UACA: variants seen among roughly 807,000 people sequenced by gnomAD.
The protein encoded by UACA is uveal autoantigen with coiled-coil domains and ankyrin repeats.
A neutral mutation model predicts 160.5 loss-of-function variants in UACA; 112 were observed. That is an observed-to-expected ratio of 0.70 (90% CI 0.60 to 0.82). UACA has a LOEUF of 0.82. Among genes scored for constraint, UACA ranks in the 40% least tolerant of loss-of-function variants. The pLI is 0.00. For synonymous variants in UACA, 557 were observed against 568.4 expected (o/e 0.98, Z 0.29); for missense variants, 1,574 against 1,614.6 (o/e 0.97, Z 0.43).
intron 1 of UACA, among the ~76,000 whole-genome samples, chr15:70,718,273 GGGGAGAGAGGGAGAGAGGAA>G (rs1898880618): frequency 6.8e-6 from 1 of 147,464 alleles, no homozygotes; most frequent in East Asian, 2.0e-4. Context: ...GGGGGAGGAG[GGGGAGAGAGGGAGAGAGGAA>G]GGGAGAGAGG....
At position 70,754,679 on chromosome 15, in the gene UACA, T is replaced by C. The variant is rs1595926261; in HGVS notation, c.78+8651A>G. ...CTTCTGCATATCATCTTGGAGACTG[T>C]ATCATTTGAAAATAAGTCAATGTCA... On this transcript the variant is annotated intron_variant, in intron 1 of 18. Coordinates refer to ENST00000322954, the MANE Select transcript of UACA (RefSeq NM_018003.4). 2.6e-5 allele frequency among the ~76,000 whole-genome samples: 4 copies of C among 152,190 alleles called. No individual in the cohort carries two copies. In the East Asian group the frequency reaches 7.7e-4, roughly 29 times the overall value.
At chr15:70,670,219 G>C (rs1897089246) in intron 15 of UACA, among the ~76,000 whole-genome samples, 1 of 152,126 alleles carries the variant, frequency 6.6e-6, no homozygotes, top group Non-Finnish European at 1.5e-5. Flanking sequence ...CTTCTTCAGG[G>C]AGCATTTGAC....
At chr15:70,677,680 T>A (rs1418367393) in intron 11 of UACA, among the ~76,000 whole-genome samples, 2 of 152,174 alleles carry the variant, frequency 1.3e-5, no homozygotes, top group Non-Finnish European at 2.9e-5. Context: ...CTACTTTCCC[T>A]CTAAAAAATG....
chr15:70,752,545 T>C (rs1348767941), intron 1 of UACA, among the ~76,000 whole-genome samples: 1 of 150,492 alleles, frequency 6.6e-6, no homozygotes, highest in African/African-American at 2.4e-5. Context: ...CCACCACTTA[T>C]CTCTCTCTCT....
In UACA at chr15:70,667,951, C is replaced by G; in HGVS notation, c.2733G>C (p.Leu911=). 1 of 1,609,982 alleles carries G rather than the reference C, an allele frequency of 6.2e-7. No homozygotes were observed. Among genetic ancestry groups the G allele is most frequent in the Non-Finnish European group, 8.5e-7 (1 of 1,178,574 alleles). The change falls in exon 16 of 19, where the codon CTG becomes CTC. Residue 911 remains leucine, a synonymous_variant. Coordinates refer to ENST00000322954, the MANE Select transcript of UACA (RefSeq NM_018003.4). Reference sequence around the variant, plus strand: ...CTTTTATTTGGTTCTGAGTGTTTTCCAGGTTTCTTTTTAATATTTCATTCT... The same window carrying G: ...CTTTTATTTGGTTCTGAGTGTTTTCGAGGTTTCTTTTTAATATTTCATTCT... ...KDKNEILKRN[L]ENTQNQIKAE... is the part of the protein sequence containing the mutation.
chr15:70,771,965 G>C, the UACA span, among the ~76,000 whole-genome samples: 4 of 152,308 alleles, frequency 2.6e-5, no homozygotes, highest in South Asian at 8.3e-4. Context: ...AGAGGGCCTA[G>C]TGGACCAAAG....
chr15:70,665,205 C>T (rs918360609), intron 16 of UACA, among the ~76,000 whole-genome samples: 5 of 152,016 alleles, frequency 3.3e-5, no homozygotes, highest in Admixed American at 1.3e-4. Flanking sequence ...GGGTGTGGCC[C>T]GTGTAAGTCT....
intron 1 of UACA, among the ~76,000 whole-genome samples, chr15:70,749,559 C>A (rs548922193): frequency 6.6e-6 from 1 of 150,706 alleles, no homozygotes; most frequent in Non-Finnish European, 1.5e-5. Flanking sequence ...ATTAGCCAGG[C>A]GTAGTGGTGG....
chr15:70,703,342 T>G, intron 1 of UACA: 3 of 1,183,292 alleles, frequency 2.5e-6, no homozygotes, highest in Non-Finnish European at 3.2e-6. Flanking sequence ...TTATAGATCA[T>G]GCTGCCAGTT....
chr15:70,659,391 GTTTGTTTTTTTTTTTTTT>G (rs1485238080), intron 18 of UACA, among the ~76,000 whole-genome samples: 2 of 9,958 alleles, frequency 2.0e-4, no homozygotes, highest in African/African-American at 3.2e-4. Flanking sequence ...TTCATTTTTT[GTTTGTTTTTTTTTTTTTT>G]TTTTTTTTTT....
At position 70,684,250 on chromosome 15, in the gene UACA, G is replaced by A. The variant is rs1242666562; in HGVS notation, c.784+15C>T. The A allele has an allele frequency of 6.3e-7, 1 of 1,579,798 alleles. No individual in the cohort carries two copies. Among genetic ancestry groups the A allele is most frequent in the South Asian group, 1.2e-5 (1 of 84,884 alleles). ...GTTAATGTGGACTTTTCTAGTTACA[G>A]AAAACTGCTGATACCTTTGTTGGTA... On this transcript the variant is annotated intron_variant, in intron 8 of 18. Transcript: ENST00000322954.
At chr15:70,763,957 A>C (rs902386701), upstream of UACA, among the ~76,000 whole-genome samples, 6 of 152,340 alleles carry the variant, frequency 3.9e-5, no homozygotes, top group Admixed American at 3.9e-4. Context: ...TTACCTGCAC[A>C]CAGAACAGCT....
intron 2 of UACA, among the ~76,000 whole-genome samples, chr15:70,699,294 G>A (rs577961917): frequency 8.5e-5 from 13 of 152,202 alleles, no homozygotes; most frequent in African/African-American, 3.1e-4. Flanking sequence ...GCTGTGGTTT[G>A]CCACTGGGCC....
At chr15:70,679,454 A>G (rs1206651044) in intron 10 of UACA, among the ~76,000 whole-genome samples, 154 bp downstream of exon 10, 3 of 141,650 alleles carry the variant, frequency 2.1e-5, no homozygotes. Flanking sequence ...GAGATTAGGC[A>G]AAAAAAAAGA....
chr15:70,744,383 T>C (rs551972470), intron 1 of UACA, among the ~76,000 whole-genome samples: 2 of 151,874 alleles, frequency 1.3e-5, no homozygotes, highest in Middle Eastern at 3.4e-3. Context: ...CACATAAATC[T>C]AGCAGAAGGA....
At chr15:70,709,198 T>A (rs1186413209) in intron 1 of UACA, among the ~76,000 whole-genome samples, 1 of 152,228 alleles carries the variant, frequency 6.6e-6, no homozygotes, top group Non-Finnish European at 1.5e-5. Context: ...AGTAAATTTT[T>A]TGAGTGGTAT....
intron 1 of UACA, among the ~76,000 whole-genome samples, chr15:70,704,224 T>C (rs956321772): frequency 3.3e-5 from 5 of 152,210 alleles, no homozygotes; most frequent in Non-Finnish European, 7.3e-5. Context: ...TCATGAATCC[T>C]CTTTCCTCTT....
intron 1 of UACA, among the ~76,000 whole-genome samples, chr15:70,747,593 C>T (rs1171470801): frequency 6.6e-6 from 1 of 152,036 alleles, no homozygotes; most frequent in East Asian, 1.9e-4. Flanking sequence ...TCCATTCTTC[C>T]TAGTAGCTAC....
chr15:70,711,230 C>T lies in UACA; in HGVS notation c.79-11570G>A, dbSNP rs576296092. ...AAAGGGTTCACTGACCTCCTTTGCA[C>T]AATATAGAATCCATAAACCCCCAAA... On this transcript the variant is annotated intron_variant, in intron 1 of 18. Coordinates refer to ENST00000322954, the MANE Select transcript of UACA (RefSeq NM_018003.4). 8.5e-4 allele frequency among the ~76,000 whole-genome samples: 129 copies of T among 152,128 alleles called. 1 individual carries two copies. The highest frequency in any genetic ancestry group is 3.4e-3 in the Middle Eastern group (1 of 294).
Sources: gnomAD v4.1 joint callset for allele counts (sites outside exome capture counted in the v4.1 genomes callset) on GRCh38, gnomAD v4.1.1 for gene constraint, MANE v1.5 for transcripts, NCBI Gene and HGNC (gene_info 2026-07-23, HGNC 2026-07-21) for gene names.